The following SNTG2 variants were observed in gnomAD, a reference collection of about 807,000 sequenced individuals.
SNTG2 encodes gamma-2-syntrophin.
In SNTG2, 74 loss-of-function variants were observed where a neutral mutation model predicts 70.9. The observed-to-expected ratio is 1.04, with a 90% CI of 0.86 to 1.27. SNTG2 has a LOEUF of 1.27. Ranked by LOEUF, SNTG2 falls within the 50% of genes most tolerant of loss-of-function variation. SNTG2 has a pLI of 0.00. For missense variants in SNTG2, 717 were observed against 690.7 expected, an observed-to-expected ratio of 1.04 and a Z score of -0.43; for synonymous variants, 278 against 273.8, an observed-to-expected ratio of 1.02 and a Z score of -0.15.
intron 8 of SNTG2, among the ~76,000 whole-genome samples, chr2:1,183,905 G>A (rs894179623): frequency 6.6e-6 from 1 of 152,042 alleles, no homozygotes; most frequent in African/African-American, 2.4e-5. Flanking sequence ...TATAAGGAAA[G>A]GTGCTTTCTA....
intron 9 of SNTG2, among the ~76,000 whole-genome samples, chr2:1,234,288 C>T (rs1676463107): frequency 1.3e-5 from 2 of 152,186 alleles, no homozygotes; most frequent in African/African-American, 4.8e-5. Flanking sequence ...AAACAGTGAA[C>T]CAACAGTGAG....
chr2:1,055,327 G>A (rs1662323212), intron 1 of SNTG2, among the ~76,000 whole-genome samples: 1 of 152,218 alleles, frequency 6.6e-6, no homozygotes, highest in African/African-American at 2.4e-5. Flanking sequence ...TTCATTTTGT[G>A]TAGGTGACTT....
chr2:1,209,316 C>T (rs1381976863), intron 9 of SNTG2, 86 bp downstream of exon 9: 34 of 1,526,626 alleles, frequency 2.2e-5, no homozygotes, highest in Admixed American at 3.6e-5. Context: ...TACTCCAGAG[C>T]GCTTGACTGT....
intron 1 of SNTG2, among the ~76,000 whole-genome samples, chr2:972,408 C>T (rs934096514): frequency 8.5e-5 from 13 of 152,152 alleles, no homozygotes; most frequent in South Asian, 8.3e-4. Flanking sequence ...CTTTGATTGT[C>T]GTTGGTTTAA....
At chr2:1,354,916 G>A (rs138130601) in intron 16 of SNTG2, among the ~76,000 whole-genome samples, 110 of 152,336 alleles carry the variant, frequency 7.2e-4, no homozygotes, top group Non-Finnish European at 1.4e-3. Flanking sequence ...AGGCAACGGG[G>A]TCTAAGAGCC....
intron 6 of SNTG2, among the ~76,000 whole-genome samples, chr2:1,141,646 T>C (rs1308479079): frequency 5.3e-5 from 8 of 152,228 alleles, no homozygotes; most frequent in Admixed American, 6.5e-5. Flanking sequence ...CCCTACAGCA[T>C]GGCTTTTGGT....
At chr2:1,199,612 A>G (rs73171775) in intron 8 of SNTG2, among the ~76,000 whole-genome samples, 150 of 152,230 alleles carry the variant, frequency 9.9e-4, no homozygotes, top group African/African-American at 3.3e-3. Flanking sequence ...GATCTTATAT[A>G]TAGTAAAACC....
chr2:1,153,229 A>G (rs1669637449), intron 6 of SNTG2, among the ~76,000 whole-genome samples: 1 of 152,016 alleles, frequency 6.6e-6, no homozygotes, highest in African/African-American at 2.4e-5. Flanking sequence ...ATTTATAGCC[A>G]GTAAGAAACC....
rs1023715643 is a variant in SNTG2, at chr2:1,329,455, C to A, written c.1488+13080C>A. Among the ~76,000 whole-genome samples the A allele has an allele frequency of 6.6e-5, 10 of 152,154 alleles. 1 individual carries two copies. Among genetic ancestry groups the A allele is most frequent in the African/African-American group, 2.2e-4 (9 of 41,432 alleles). On this transcript the variant is annotated intron_variant, in intron 16 of 16. Transcript: ENST00000308624. Reference sequence around the variant, plus strand: ...TCTCCGCCTTTTCAAGATCCAGACACCTCCAGGGTCAGCTTGAGAAAGAAA... The same window carrying A: ...TCTCCGCCTTTTCAAGATCCAGACAACTCCAGGGTCAGCTTGAGAAAGAAA...
At chr2:1,023,556 A>T (rs1036028299) in intron 1 of SNTG2, among the ~76,000 whole-genome samples, 2 of 152,158 alleles carry the variant, frequency 1.3e-5, no homozygotes, top group African/African-American at 2.4e-5. Context: ...GGTTATTATT[A>T]TTATTTTTAT....
intron 8 of SNTG2, among the ~76,000 whole-genome samples, chr2:1,184,419 C>T (rs1672120701): frequency 6.6e-6 from 1 of 152,106 alleles, no homozygotes; most frequent in African/African-American, 2.4e-5. Context: ...TATAAAAAAA[C>T]TATGATGACT....
At chr2:1,105,077 T>G (rs1011356800) in intron 4 of SNTG2, among the ~76,000 whole-genome samples, 1 of 152,184 alleles carries the variant, frequency 6.6e-6, no homozygotes, top group African/African-American at 2.4e-5. Flanking sequence ...GAGCAAGTTC[T>G]TCATGAGTTG....
In SNTG2 at chr2:1,322,161, T is replaced by G. The variant is rs1454780214; in HGVS notation, c.1488+5786T>G. ...AAAAAAATATAGTTGAATCAAATCTTTTTTCTAAGCAGTGGCAACAAGCAA... is the reference window on the plus strand; with the variant it reads ...AAAAAAATATAGTTGAATCAAATCTGTTTTCTAAGCAGTGGCAACAAGCAA... On this transcript the variant is annotated intron_variant, in intron 16 of 16. Transcript: ENST00000308624. Among the ~76,000 whole-genome samples the G allele has an allele frequency of 2.6e-5, 4 of 152,322 alleles. No homozygotes were observed. In the East Asian group the frequency reaches 7.7e-4, roughly 29 times the overall value.
chr2:1,310,487 T>C (rs1042473915), intron 15 of SNTG2, among the ~76,000 whole-genome samples: 2 of 152,132 alleles, frequency 1.3e-5, no homozygotes, highest in African/African-American at 4.8e-5. Context: ...ATCACCACAT[T>C]CAGCCAAGCC....
intron 14 of SNTG2, among the ~76,000 whole-genome samples, chr2:1,285,033 C>T (rs2148213309): frequency 6.6e-6 from 1 of 151,884 alleles, no homozygotes; most frequent in Middle Eastern, 3.4e-3. Flanking sequence ...CCACAGTAGG[C>T]CATCCCCAAG....
At chr2:1,243,321 G>A (rs1319215235) in intron 11 of SNTG2, among the ~76,000 whole-genome samples, 1 of 152,186 alleles carries the variant, frequency 6.6e-6, no homozygotes, top group Admixed American at 6.5e-5. Flanking sequence ...AGCAGCCCTG[G>A]GGAAGGGAGG....
At chr2:1,128,100 G>A (rs1238852341) in intron 4 of SNTG2, among the ~76,000 whole-genome samples, 1 of 152,052 alleles carries the variant, frequency 6.6e-6, no homozygotes, top group Non-Finnish European at 1.5e-5. Context: ...TTATTGTTTT[G>A]AAGTACTTTT....
At chr2:1,021,687 C>CCACCTCCTGG (rs971096795) in intron 1 of SNTG2, among the ~76,000 whole-genome samples, 1 of 151,878 alleles carries the variant, frequency 6.6e-6, no homozygotes, top group Non-Finnish European at 1.5e-5. Context: ...ATTGCAGCCT[C>CCACCTCCTGG]CACCTCCTGG....
intron 4 of SNTG2, among the ~76,000 whole-genome samples, chr2:1,136,829 CTTTCTCATACAAAGTT>C (rs1259414964): frequency 6.6e-6 from 1 of 152,202 alleles, no homozygotes; most frequent in African/African-American, 2.4e-5. Context: ...TATAGTCAAA[CTTTCTCATACAAAGTT>C]TTTCTCTTTG....
Sources: allele counts gnomAD v4.1 joint callset (sites outside exome capture counted in the v4.1 genomes callset), GRCh38; gene constraint gnomAD v4.1.1; transcripts MANE v1.5; gene names NCBI Gene and HGNC (gene_info 2026-07-23, HGNC 2026-07-21).